GALNT9: variants seen among roughly 807,000 people sequenced by gnomAD.
GALNT9 encodes the protein GalNAc transferase 9.
Under a neutral mutation model 63.1 loss-of-function variants are expected in GALNT9, and 47 were observed. The ratio of observed to expected loss-of-function variants is 0.75; its 90% CI spans 0.59 to 0.95. The LOEUF is 0.95. GALNT9 is among the 40% of genes least tolerant of loss of function. GALNT9 has a pLI of 0.00. For synonymous variants in GALNT9, 396 were observed against 365.7 expected (o/e 1.08, Z -0.94); for missense variants, 829 against 874.8 (o/e 0.95, Z 0.66).
intron 2 of GALNT9, among the ~76,000 whole-genome samples, chr12:132,264,973 C>T (rs1312015540): frequency 3.3e-5 from 5 of 152,194 alleles, no homozygotes; most frequent in Non-Finnish European, 7.3e-5. Context: ...GTCCGCCTCG[C>T]AGGTCGTACG....
intron 6 of GALNT9, among the ~76,000 whole-genome samples, chr12:132,204,865 C>G (rs1244124352): frequency 6.6e-6 from 1 of 152,104 alleles, no homozygotes; most frequent in Non-Finnish European, 1.5e-5. Flanking sequence ...TGCTCAGGTC[C>G]TCAGCCCTGA....
intron 1 of GALNT9, among the ~76,000 whole-genome samples, chr12:132,300,129 C>T (rs1881236826): frequency 6.7e-6 from 1 of 148,448 alleles, no homozygotes; most frequent in African/African-American, 2.5e-5. Context: ...CCCACCACAC[C>T]TAACCCATCC....
Position 132,328,907 on chromosome 12 carries a change from C to G in GALNT9, c.238+59G>C, listed in dbSNP as rs574797318. On this transcript the variant is annotated intron_variant, in intron 1 of 10. Coordinates refer to ENST00000328957, the MANE Select transcript of GALNT9 (RefSeq NM_001122636.2). ...CGAGGCCGGCCTGACCCATCGCGCCCGGGGTGGCCACTGTCCCGGGCAGGG... is the reference window on the plus strand; with the variant it reads ...CGAGGCCGGCCTGACCCATCGCGCCGGGGGTGGCCACTGTCCCGGGCAGGG... 4 of 1,434,290 alleles carry G rather than the reference C, an allele frequency of 2.8e-6. No homozygotes were observed. The South Asian group carries it at 4.4e-5, about 16-fold the overall frequency. 88.8% of individuals were successfully genotyped at this position (1,434,290 alleles called of 1,614,324 possible).
At chr12:132,227,078 G>C (rs1877722937) in intron 6 of GALNT9, among the ~76,000 whole-genome samples, 1 of 152,008 alleles carries the variant, frequency 6.6e-6, no homozygotes, top group Non-Finnish European at 1.5e-5. Context: ...TTTGGGAGGA[G>C]GGAGGTGAAT....
At chr12:132,270,093 G>A (rs1407735518) in intron 2 of GALNT9, among the ~76,000 whole-genome samples, 1 of 152,228 alleles carries the variant, frequency 6.6e-6, no homozygotes, top group African/African-American at 2.4e-5. Flanking sequence ...CCCATTTAGG[G>A]CCGAGAAATG....
At position 132,200,213 on chromosome 12, in the gene GALNT9, T is replaced by C. The variant is rs78570356; in HGVS notation, c.1401+911A>G. On this transcript the variant is annotated intron_variant, in intron 8 of 10. Coordinates refer to ENST00000328957, the MANE Select transcript of GALNT9 (RefSeq NM_001122636.2). The stretch of plus-strand genomic sequence containing the variant: ...CGAGGACCATCCACCCCAGGGACCC[T>C]TTTCCTTGCCCCATCCGAGTGCCAG... 6.9e-3 allele frequency among the ~76,000 whole-genome samples: 1,048 copies of C among 152,258 alleles called. 27 individuals carry two copies. The highest frequency in any genetic ancestry group is 0.057 in the East Asian group (296 of 5,168).
At chr12:132,264,640 T>C (rs146975216) in intron 2 of GALNT9, among the ~76,000 whole-genome samples, 18 of 152,350 alleles carry the variant, frequency 1.2e-4, no homozygotes, top group African/African-American at 4.3e-4. Context: ...CAAACCCACC[T>C]GTCTTCCCAG....
intron 6 of GALNT9, among the ~76,000 whole-genome samples, chr12:132,217,576 G>T (rs765574156): frequency 1.1e-4 from 13 of 117,792 alleles, no homozygotes; most frequent in Admixed American, 1.8e-4. Context: ...TATCCATCCA[G>T]CCATCCCCCA....
chr12:132,198,038 G>A (rs1028629335), intron 9 of GALNT9, 79 bp from the exon 10 acceptor site: 112 of 1,204,378 alleles, frequency 9.3e-5, no homozygotes, highest in Non-Finnish European at 1.2e-4. Context: ...CGTGCGAGCT[G>A]CCTTGAGCTG....
At chr12:132,200,788 A>AC (rs1555233382) in intron 8 of GALNT9, 4 of 200,840 alleles carry the variant, frequency 2.0e-5, no homozygotes, top group Non-Finnish European at 2.6e-5. Context: ...TGAATCAGGC[A>AC]TGTGAACACG....
At chr12:132,270,409 C>T (rs937784942) in intron 2 of GALNT9, among the ~76,000 whole-genome samples, 1 of 152,260 alleles carries the variant, frequency 6.6e-6, no homozygotes, top group Non-Finnish European at 1.5e-5. Flanking sequence ...GAGCTGGGGC[C>T]TGGAGTACCC....
Position 132,316,392 on chromosome 12 carries a change from C to G in GALNT9, c.238+12574G>C, listed in dbSNP as rs1555245693. Among the ~76,000 whole-genome samples, 1 of 152,154 alleles carries G rather than the reference C, an allele frequency of 6.6e-6. No homozygotes were observed. Among genetic ancestry groups the G allele is most frequent in the Non-Finnish European group, 1.5e-5 (1 of 68,030 alleles). On this transcript the variant is annotated intron_variant, in intron 1 of 10. Coordinates refer to ENST00000328957, the MANE Select transcript of GALNT9 (RefSeq NM_001122636.2). The surrounding 1 kb of genome is among the most constrained non-coding windows in gnomAD (Gnocchi z 4.3). ...TCCCCTATAACCGAGCATATACTTCCTTTAAAAATCTATTTAGTGCTATAG... is the reference window on the plus strand; with the variant it reads ...TCCCCTATAACCGAGCATATACTTCGTTTAAAAATCTATTTAGTGCTATAG...
At chr12:132,254,093 C>T (rs1406044979) in intron 5 of GALNT9, among the ~76,000 whole-genome samples, 5 of 151,976 alleles carry the variant, frequency 3.3e-5, no homozygotes, top group African/African-American at 1.2e-4. Context: ...ACCATCTCAG[C>T]TCACTATAAC....
chr12:132,329,256 C>T lies in GALNT9; in HGVS notation c.-53G>A. 1 of 1,516,630 alleles carries T rather than the reference C, an allele frequency of 6.6e-7. No individual in the cohort carries two copies. The allele number at this position is 1,516,630 out of a possible 1,614,324, so 93.9% of individuals were successfully genotyped here. On this transcript the variant is annotated 5_prime_UTR_variant, in exon 1 of 11. Coordinates refer to ENST00000328957, the MANE Select transcript of GALNT9 (RefSeq NM_001122636.2). Reference sequence around the variant, plus strand: ...CGCGGGGCATCCCCAGCATCCCCGCCCGGGCCTGGGCTTCAGCTTCGGCTT... The same window carrying T: ...CGCGGGGCATCCCCAGCATCCCCGCTCGGGCCTGGGCTTCAGCTTCGGCTT...
chr12:132,228,210 T>G (rs912930067), intron 6 of GALNT9, among the ~76,000 whole-genome samples: 1 of 151,974 alleles, frequency 6.6e-6, no homozygotes, highest in Non-Finnish European at 1.5e-5. Context: ...CCTCCACTCA[T>G]GCAGAAAGGA....
At chr12:132,240,438 G>A (rs1878209116) in intron 6 of GALNT9, 3 of 361,882 alleles carry the variant, frequency 8.3e-6, no homozygotes, top group South Asian at 2.1e-5. Context: ...CGCAGACATG[G>A]CCTCAGAACC....
At chr12:132,324,719 A>G (rs1555246406) in intron 1 of GALNT9, among the ~76,000 whole-genome samples, 1 of 151,938 alleles carries the variant, frequency 6.6e-6, no homozygotes, top group Non-Finnish European at 1.5e-5. Flanking sequence ...GTGGCCTGGC[A>G]TTCTCCCCCC....
intron 1 of GALNT9, among the ~76,000 whole-genome samples, chr12:132,289,516 T>G (rs1880728693): frequency 6.6e-6 from 1 of 152,224 alleles, no homozygotes; most frequent in South Asian, 2.1e-4. Flanking sequence ...TAAGGGGACT[T>G]GGCAGACGCC....
intron 1 of GALNT9, among the ~76,000 whole-genome samples, chr12:132,317,806 G>A (rs566735431): frequency 8.3e-4 from 126 of 152,314 alleles, no homozygotes; most frequent in African/African-American, 2.8e-3. Flanking sequence ...GAGGGGTATC[G>A]GTGGGGCTGC....
Sources: allele counts gnomAD v4.1 joint callset (sites outside exome capture counted in the v4.1 genomes callset), GRCh38; gene constraint gnomAD v4.1.1; non-coding constraint Gnocchi (gnomAD v3.1); transcripts MANE v1.5; gene names NCBI Gene and HGNC (gene_info 2026-07-23, HGNC 2026-07-21).